TBC1D5: variants seen among roughly 807,000 people sequenced by gnomAD.
TBC1D5 encodes TBC1 domain family, member 5.
Under a neutral mutation model 100.3 loss-of-function variants are expected in TBC1D5, and 75 were observed. The observed-to-expected ratio is 0.75, with a 90% confidence interval of 0.62 to 0.91. The LOEUF is 0.91. TBC1D5 is among the 40% of genes least tolerant of loss of function. The probability of loss-of-function intolerance (pLI) is 0.00; values close to 1 mark genes in which losing one functional copy is unlikely to be tolerated. For synonymous variants in TBC1D5, 323 were observed against 325.6 expected, an observed-to-expected ratio of 0.99 and a Z score of 0.09; for missense variants, 910 against 942.4, an observed-to-expected ratio of 0.97 and a Z score of 0.45.
At chr3:17,325,071 T>C (rs1201916358) in intron 13 of TBC1D5, among the ~76,000 whole-genome samples, 2 of 148,616 alleles carry the variant, frequency 1.3e-5, no homozygotes, top group African/African-American at 2.6e-5. Context: ...AAGTTGAACA[T>C]ATATTTTATC....
At chr3:17,458,407 CCT>C (rs570130314) in intron 3 of TBC1D5, among the ~76,000 whole-genome samples, 172 of 152,240 alleles carry the variant, frequency 1.1e-3, no homozygotes, top group African/African-American at 3.9e-3. Context: ...TAATATTCCC[CCT>C]GTTCCTCACC....
At chr3:17,701,764 G>A (rs551657670) in intron 1 of TBC1D5, among the ~76,000 whole-genome samples, 1 of 152,158 alleles carries the variant, frequency 6.6e-6, no homozygotes, top group Admixed American at 6.5e-5. Context: ...AAAGATGCAG[G>A]TATATATGTG....
At position 17,662,390 on chromosome 3, in the gene TBC1D5, G is replaced by T. The variant is rs552487524; in HGVS notation, c.-100-38477C>A. Among the ~76,000 whole-genome samples the T allele has an allele frequency of 3.9e-5, 6 of 152,314 alleles. No individual in the cohort carries two copies. In the East Asian group the frequency reaches 1.2e-3, roughly 29 times the overall value. ...GAAGTTTAGAGGAGGAGGTTACCTG[G>T]AAAGCCTTTGAATATCAGCAACCAG... On this transcript the variant is annotated intron_variant, in intron 1 of 21. Coordinates refer to ENST00000253692, the Ensembl canonical transcript of TBC1D5.
intron 13 of TBC1D5, among the ~76,000 whole-genome samples, chr3:17,313,187 G>T (rs2084254181): frequency 6.6e-6 from 1 of 152,066 alleles, no homozygotes; most frequent in Non-Finnish European, 1.5e-5. Flanking sequence ...GGGGACTATG[G>T]GGATGAAAGC....
intron 1 of TBC1D5, among the ~76,000 whole-genome samples, chr3:17,699,611 G>A (rs1174112382): frequency 6.9e-6 from 1 of 144,850 alleles, no homozygotes; most frequent in African/African-American, 2.5e-5. Context: ...CTCATCATCT[G>A]ATACAGATTT....
chr3:17,602,406 T>C (rs902716313), intron 2 of TBC1D5, among the ~76,000 whole-genome samples: 12 of 152,074 alleles, frequency 7.9e-5, no homozygotes, highest in Non-Finnish European at 1.0e-4. Flanking sequence ...TCCCTGGTGC[T>C]CAGTACTAAA....
At chr3:17,334,871 C>A (rs1296244276) in intron 13 of TBC1D5, among the ~76,000 whole-genome samples, 4 of 152,104 alleles carry the variant, frequency 2.6e-5, no homozygotes, top group Admixed American at 2.6e-4. Context: ...AGTAATCTGA[C>A]TTTCTGACTC....
At chr3:17,546,329 T>C in intron 2 of TBC1D5, among the ~76,000 whole-genome samples, 1 of 152,218 alleles carries the variant, frequency 6.6e-6, no homozygotes, top group African/African-American at 2.4e-5. Context: ...AATTTTATAT[T>C]GCGCACTGGA....
intron 3 of TBC1D5, among the ~76,000 whole-genome samples, chr3:17,445,179 T>G (rs17043643): frequency 0.091 from 13,889 of 152,202 alleles, 1,429 homozygotes; most frequent in African/African-American, 0.26. Flanking sequence ...AAGGGCATAT[T>G]CTGTTTTAAT....
intron 2 of TBC1D5, among the ~76,000 whole-genome samples, chr3:17,560,637 T>TG (rs1191942259): frequency 1.1e-5 from 1 of 92,274 alleles, no homozygotes; most frequent in Non-Finnish European, 2.3e-5. Context: ...AAAGGGGGGG[T>TG]GGGGGGCGGA....
At chr3:17,591,233 CAAA>C (rs60889092) in intron 2 of TBC1D5, among the ~76,000 whole-genome samples, 77 of 18,632 alleles carry the variant, frequency 4.1e-3, no homozygotes, top group African/African-American at 8.3e-3. Context: ...AAGGATCTGT[CAAA>C]AAAAAAAAAA....
intron 13 of TBC1D5, among the ~76,000 whole-genome samples, chr3:17,324,992 C>A (rs568615334): frequency 3.3e-5 from 5 of 152,064 alleles, no homozygotes; most frequent in Non-Finnish European, 5.9e-5. Flanking sequence ...TCATAAATTG[C>A]TGATGGTAAT....
chr3:17,549,669 G>A (rs1175632966), intron 2 of TBC1D5, among the ~76,000 whole-genome samples: 3 of 152,222 alleles, frequency 2.0e-5, no homozygotes, highest in East Asian at 1.9e-4. Flanking sequence ...TGTGGCTCAC[G>A]CCTGTAATCC....
intron 14 of TBC1D5, among the ~76,000 whole-genome samples, chr3:17,301,071 A>G (rs1345054907): frequency 3.5e-5 from 5 of 142,318 alleles, no homozygotes; most frequent in Admixed American, 2.1e-4. Context: ...TCCGTCTCAG[A>G]AAAAAAAAAA....
intron 1 of TBC1D5, among the ~76,000 whole-genome samples, chr3:17,684,577 C>G (rs1404945952): frequency 6.6e-6 from 1 of 151,988 alleles, no homozygotes; most frequent in Non-Finnish European, 1.5e-5. Context: ...TAAGAGAGCC[C>G]TAATAACTGC....
At chr3:17,361,642 C>T (rs1219394460) in intron 13 of TBC1D5, among the ~76,000 whole-genome samples, 1 of 151,832 alleles carries the variant, frequency 6.6e-6, no homozygotes, top group East Asian at 1.9e-4. Context: ...ACAAATAACC[C>T]ATGGTACAAA....
intron 1 of TBC1D5, among the ~76,000 whole-genome samples, chr3:17,646,513 T>C (rs1455995858): frequency 6.6e-6 from 1 of 152,154 alleles, no homozygotes; most frequent in East Asian, 1.9e-4. Flanking sequence ...TGCATCATTC[T>C]TGCTCCTCTT....
At chr3:17,321,122 C>A (rs1478168744) in intron 13 of TBC1D5, among the ~76,000 whole-genome samples, 6 of 152,208 alleles carry the variant, frequency 3.9e-5, no homozygotes, top group African/African-American at 7.2e-5. Flanking sequence ...GGCTGGAGTG[C>A]AGTGGCCCAA....
intron 8 of TBC1D5, among the ~76,000 whole-genome samples, chr3:17,395,452 G>A (rs1181809593): frequency 6.6e-6 from 1 of 152,010 alleles, no homozygotes; most frequent in East Asian, 1.9e-4. Context: ...CATTACCCCT[G>A]AAGTACCAAA....
Sources: allele counts gnomAD v4.1 joint callset (sites outside exome capture counted in the v4.1 genomes callset), GRCh38; gene constraint gnomAD v4.1.1; transcripts MANE v1.5; gene names NCBI Gene and HGNC (gene_info 2026-07-23, HGNC 2026-07-21).